Variants in PLCL1 observed in about 807,000 individuals in gnomAD.
PLCL1 encodes inactive phospholipase C-like protein 1.
Under a neutral mutation model 84.4 loss-of-function variants are expected in PLCL1, and 41 were observed. That is an observed-to-expected ratio of 0.49 (90% CI 0.38 to 0.63). PLCL1 has a LOEUF of 0.63. Ranked by LOEUF, PLCL1 falls within the 30% of genes least tolerant of loss-of-function variation. The probability of loss-of-function intolerance (pLI) is 0.00; values close to 1 mark genes in which losing one functional copy is unlikely to be tolerated. For missense variants in PLCL1, 1,206 were observed against 1,367.8 expected (o/e 0.88, Z 1.87); for synonymous variants, 490 against 488.3 (o/e 1.00, Z -0.05).
At position 198,086,110 on chromosome 2, in the gene PLCL1, A is replaced by G. The variant is rs1217586914; in HGVS notation, c.2593A>G (p.Met865Val). ...ACAGAAGCGCAGTCTTTCAGTGAGA[A>G]TGGGGAAGAAAGTTCGGGAATATAC... The part of the protein sequence containing the change: ...KAQKRSLSVR[M>V]GKKVREYTML... Residue 865 changes from methionine to valine, a missense_variant, in exon 2 of 6, where the codon ATG (methionine) becomes GTG (valine). Transcript: ENST00000428675. 3 of 1,613,968 alleles carry G rather than the reference A, an allele frequency of 1.9e-6. No homozygotes were observed. Among genetic ancestry groups the G allele is most frequent in the Non-Finnish European group, 2.5e-6 (3 of 1,179,982 alleles).
chr2:198,086,201 G>A lies in PLCL1; in HGVS notation c.2684G>A (p.Arg895Gln), dbSNP rs376271200. Residue 895 changes from arginine (R) to glutamine (Q), a missense_variant, in exon 2 of 6, where the codon CGA becomes CAA. By Grantham distance (43) the Arg-to-Gln change is conservative. Coordinates refer to ENST00000428675, the MANE Select transcript of PLCL1 (RefSeq NM_006226.4). ...TTTAAAATAGCGGTTCATCCATTAC[G>A]AGAAGCCATAGATATGAGAGAAAAT... The part of the protein sequence containing the change: ...DIFKIAVHPL[R>Q]EAIDMRENMQ... 8.7e-6 allele frequency: 14 copies of A among 1,612,762 alleles called. No individual in the cohort carries two copies. The highest frequency in any genetic ancestry group is 4.4e-5 in the South Asian group (4 of 91,020).
chr2:197,823,655 T>G (rs1188018554), intron 1 of PLCL1, among the ~76,000 whole-genome samples: 2 of 152,138 alleles, frequency 1.3e-5, no homozygotes, highest in Non-Finnish European at 2.9e-5. Context: ...CTAACCAGGT[T>G]GGAGTTGTGA....
chr2:197,986,852 C>A (rs1466213854), intron 1 of PLCL1, among the ~76,000 whole-genome samples: 1 of 152,152 alleles, frequency 6.6e-6, no homozygotes. Context: ...CAAAGTGCTT[C>A]CATTTACACA....
rs142195687 is a variant in PLCL1, at chr2:197,813,460, A to G, written c.240+8121A>G. Among the ~76,000 whole-genome samples the G allele has an allele frequency of 4.8e-3, 726 of 152,252 alleles. 6 individuals carry two copies. Among genetic ancestry groups the G allele is most frequent in the African/African-American group, 0.016 (669 of 41,552 alleles). The stretch of plus-strand genomic sequence containing the variant: ...CAGCATTTAGTAAACTCCAGCTTTG[A>G]AATATTTTGGAAGTATTGATTTCAT... On this transcript the variant is annotated intron_variant, in intron 1 of 5. Coordinates refer to ENST00000428675, the MANE Select transcript of PLCL1 (RefSeq NM_006226.4).
chr2:197,849,490 AAATGATTAAAGT>A (rs1275509821), intron 1 of PLCL1, among the ~76,000 whole-genome samples: 4 of 152,266 alleles, frequency 2.6e-5, no homozygotes, highest in South Asian at 2.1e-4. Flanking sequence ...AGGAAGATTT[AAATGATTAAAGT>A]AATGATTAAA....
chr2:197,977,559 C>T (rs991041027), intron 1 of PLCL1, among the ~76,000 whole-genome samples: 1 of 152,022 alleles, frequency 6.6e-6, no homozygotes, highest in Admixed American at 6.5e-5. Flanking sequence ...TTTTTTGTTT[C>T]AAAAGTGTCT....
intron 1 of PLCL1, among the ~76,000 whole-genome samples, chr2:197,904,437 A>C (rs1479528791): frequency 6.6e-6 from 1 of 152,160 alleles, no homozygotes; most frequent in Non-Finnish European, 1.5e-5. Flanking sequence ...TTGTATTAGA[A>C]AGTTTAGAAA....
intron 4 of PLCL1, 142 bp downstream of exon 4, chr2:198,101,502 A>C: frequency 1.7e-6 from 1 of 600,620 alleles, no homozygotes; most frequent in Non-Finnish European, 2.9e-6. Flanking sequence ...ACTATACTTT[A>C]AGTTACACTT....
chr2:197,809,163 C>T (rs561714663), intron 1 of PLCL1, among the ~76,000 whole-genome samples: 1 of 152,314 alleles, frequency 6.6e-6, no homozygotes, highest in South Asian at 2.1e-4. Flanking sequence ...ATGCAGTTCA[C>T]ATTAAGTGCC....
intron 1 of PLCL1, among the ~76,000 whole-genome samples, chr2:197,899,267 T>G (rs1317334716): frequency 1.3e-5 from 2 of 152,080 alleles, no homozygotes; most frequent in African/African-American, 4.8e-5. Context: ...TTCATTTACT[T>G]AGACAGACTA....
At chr2:198,068,976 A>G (rs1231675740) in intron 1 of PLCL1, among the ~76,000 whole-genome samples, 1 of 152,112 alleles carries the variant, frequency 6.6e-6, no homozygotes, top group Non-Finnish European at 1.5e-5. Context: ...CGGAGGTTGC[A>G]GTGAGCTGAG....
intron 1 of PLCL1, among the ~76,000 whole-genome samples, chr2:197,956,497 T>A (rs1689497268): frequency 6.6e-6 from 1 of 152,066 alleles, no homozygotes; most frequent in South Asian, 2.1e-4. Context: ...AATCGCCACA[T>A]TTTCTTCCAC....
chr2:198,078,120 T>C (rs2105891165), intron 1 of PLCL1, among the ~76,000 whole-genome samples: 1 of 152,280 alleles, frequency 6.6e-6, no homozygotes, highest in South Asian at 2.1e-4. Context: ...CCATCTTCAG[T>C]TTTGTCCGTA....
intron 5 of PLCL1, among the ~76,000 whole-genome samples, 199 bp from the exon 6 acceptor site, chr2:198,146,581 T>C (rs1694521442): frequency 6.6e-6 from 1 of 152,058 alleles, no homozygotes; most frequent in Non-Finnish European, 1.5e-5. Flanking sequence ...CAGGCTCAGG[T>C]TGAGGTACTT....
intron 3 of PLCL1, among the ~76,000 whole-genome samples, chr2:198,092,068 C>A (rs930748326): frequency 6.6e-6 from 1 of 151,920 alleles, no homozygotes; most frequent in Non-Finnish European, 1.5e-5. Flanking sequence ...GCCTCACCTG[C>A]TTCTCCCAAC....
intron 1 of PLCL1, among the ~76,000 whole-genome samples, chr2:197,956,694 T>G (rs766003123): frequency 5.9e-5 from 9 of 152,202 alleles, no homozygotes; most frequent in Non-Finnish European, 8.8e-5. Context: ...TTTTTTCATA[T>G]GTTTGTTGGC....
At position 197,950,785 on chromosome 2, in the gene PLCL1, T is replaced by A. The variant is rs79567621; in HGVS notation, c.241-132973T>A. Among the ~76,000 whole-genome samples, 851 of 152,266 alleles carry A rather than the reference T, an allele frequency of 5.6e-3. 4 individuals carry two copies. The highest frequency in any genetic ancestry group is 9.4e-3 in the Non-Finnish European group (641 of 68,010). ...CAGAATTGTAAGATAGGAATGTGGTTTATATGTGGATATTAACCTTTTGAC... is the reference window on the plus strand; with the variant it reads ...CAGAATTGTAAGATAGGAATGTGGTATATATGTGGATATTAACCTTTTGAC... On this transcript the variant is annotated intron_variant, in intron 1 of 5. Transcript: ENST00000428675.
chr2:197,861,913 A>G (rs1687439677), intron 1 of PLCL1, among the ~76,000 whole-genome samples: 1 of 152,214 alleles, frequency 6.6e-6, no homozygotes, highest in African/African-American at 2.4e-5. Flanking sequence ...AATGAAGATG[A>G]ATAATAATTT....
intron 1 of PLCL1, among the ~76,000 whole-genome samples, chr2:197,955,991 C>T (rs1250197798): frequency 1.3e-5 from 2 of 151,766 alleles, no homozygotes; most frequent in African/African-American, 2.4e-5. Context: ...CTCTGACAGG[C>T]CCCGGTGTGT....
Sources: allele counts gnomAD v4.1 joint callset (sites outside exome capture counted in the v4.1 genomes callset), GRCh38; gene constraint gnomAD v4.1.1; transcripts MANE v1.5; gene names NCBI Gene and HGNC (gene_info 2026-07-23, HGNC 2026-07-21).